CASZ1: variants seen among roughly 807,000 people sequenced by gnomAD.
CASZ1 encodes the protein castor zinc finger 1.
A neutral mutation model predicts 135.2 loss-of-function variants in CASZ1; 28 were observed. The observed-to-expected ratio is 0.21, with a 90% CI of 0.15 to 0.28. The LOEUF (loss-of-function observed/expected upper bound fraction) is 0.28. Among genes scored for constraint, CASZ1 ranks in the 10% least tolerant of loss-of-function variants. CASZ1 has a pLI of 1.00. For synonymous variants in CASZ1, 1,068 were observed against 1,073.4 expected (o/e 0.99, Z 0.10); for missense variants, 2,161 against 2,453.3 (o/e 0.88, Z 2.52).
chr1:10,696,044 G>A (rs1416959486), intron 3 of CASZ1, among the ~76,000 whole-genome samples: 1 of 152,238 alleles, frequency 6.6e-6, no homozygotes, highest in Non-Finnish European at 1.5e-5. Flanking sequence ...CCAGCAACAT[G>A]GCGCTGGCCT....
At chr1:10,743,002 A>AG (rs1639954963) in intron 2 of CASZ1, among the ~76,000 whole-genome samples, 1 of 151,914 alleles carries the variant, frequency 6.6e-6, no homozygotes, top group East Asian at 1.9e-4. Context: ...AGAAGAAAAA[A>AG]AAGCCTCTGA....
chr1:10,764,077 G>C (rs1263120741), intron 1 of CASZ1, among the ~76,000 whole-genome samples: 1 of 152,208 alleles, frequency 6.6e-6, no homozygotes, highest in Non-Finnish European at 1.5e-5. Flanking sequence ...TAGCCAGACT[G>C]GTCTCGAACT....
Position 10,756,858 on chromosome 1 carries a change from C to T in CASZ1, c.-77+3843G>A, listed in dbSNP as rs376284651. Among the ~76,000 whole-genome samples the T allele has an allele frequency of 1.3e-5, 2 of 152,294 alleles. No individual in the cohort carries two copies. The highest frequency in any genetic ancestry group is 2.4e-5 in the African/African-American group (1 of 41,538). ...CTCACCAACGACGCTCTATATGACC[C>T]GGCACGTGGAAAAAGGTGTGCAGAA... On this transcript the variant is annotated intron_variant, in intron 2 of 20. Transcript: ENST00000377022. The surrounding 1 kb of genome is among the most constrained non-coding windows in gnomAD (Gnocchi z 5.9).
chr1:10,688,291 C>T (rs1411722079), intron 4 of CASZ1, among the ~76,000 whole-genome samples: 1 of 152,146 alleles, frequency 6.6e-6, no homozygotes, highest in African/African-American at 2.4e-5. Context: ...TTTTCCAGGG[C>T]CAACGGGGTG....
rs1335221912 is a variant in CASZ1, at chr1:10,665,314, C to A, written c.274G>T (p.Val92Leu). 1 of 1,612,846 alleles carries A rather than the reference C, an allele frequency of 6.2e-7. No homozygotes were observed. Among genetic ancestry groups the A allele is most frequent in the South Asian group, 1.1e-5 (1 of 90,924 alleles). ...DKRRAVIEKW[V>L]NGEYSEEPAP... ...GGCTCCTCGCTGTACTCCCCGTTCA[C>A]CCACTTCTCGATCACTGCCCGTCTC... The change falls in exon 5 of 21, where the codon GTG becomes TTG. Residue 92 changes from valine to leucine, a missense_variant. Val to Leu is a conservative substitution (Grantham distance 32, BLOSUM62 1). Coordinates refer to ENST00000377022, the MANE Select transcript of CASZ1 (RefSeq NM_001079843.3).
At position 10,756,134 on chromosome 1, in the gene CASZ1, G is replaced by C. The variant is rs941692720; in HGVS notation, c.-77+4567C>G. 6.6e-6 allele frequency among the ~76,000 whole-genome samples: 1 copy of C among 152,072 alleles called. No individual in the cohort carries two copies. The highest frequency in any genetic ancestry group is 1.5e-5 in the Non-Finnish European group (1 of 67,998). ...GACACGCCCCTCGGAGCCAGGCAGAGGCACCAGCTGTAGGCCTGGGAGAGC... is the reference window on the plus strand; with the variant it reads ...GACACGCCCCTCGGAGCCAGGCAGACGCACCAGCTGTAGGCCTGGGAGAGC... On this transcript the variant is annotated intron_variant, in intron 2 of 20. Transcript: ENST00000377022. This position sits in a 1 kb window ranked among gnomAD's most constrained non-coding sequence, Gnocchi z 5.9.
chr1:10,792,815 G>C (rs1056308592), intron 1 of CASZ1, among the ~76,000 whole-genome samples: 4 of 150,886 alleles, frequency 2.7e-5, no homozygotes, highest in African/African-American at 9.8e-5. Context: ...CCAAAAAGCA[G>C]GCAAAATTGA....
intron 1 of CASZ1, among the ~76,000 whole-genome samples, chr1:10,773,887 G>A (rs577419512): frequency 5.9e-5 from 9 of 152,358 alleles, no homozygotes; most frequent in South Asian, 2.1e-4. Context: ...CAGGGTGGGA[G>A]CAGCCCTGTC....
In CASZ1 at chr1:10,700,114, CACAG is replaced by C. The variant is rs1639030769; in HGVS notation, c.-24+5374_-24+5377del. 3.3e-5 allele frequency among the ~76,000 whole-genome samples: 5 copies of C among 151,836 alleles called. 1 individual carries two copies. The highest frequency in any genetic ancestry group is 5.9e-5 in the Non-Finnish European group (4 of 67,954). The stretch of plus-strand genomic sequence containing the variant: ...ACACACACACACACACACACACACA[CACAG>C]AGTATGAAGCAGGGACCTGGGCTAG... On this transcript the variant is annotated intron_variant, in intron 3 of 20. Transcript: ENST00000377022. This position sits in a 1 kb window ranked among gnomAD's most constrained non-coding sequence, Gnocchi z 4.2.
rs779068910 is a variant in CASZ1 at position 10,697,954 on chromosome 1, G to A, written c.-23-4042C>T. 1.7e-4 allele frequency among the ~76,000 whole-genome samples: 26 copies of A among 152,364 alleles called. No homozygotes were observed. Among genetic ancestry groups the A allele is most frequent in the Admixed American group, 2.0e-4 (3 of 15,308 alleles). On this transcript the variant is annotated intron_variant, in intron 3 of 20. Transcript: ENST00000377022. This position sits in a 1 kb window ranked among gnomAD's most constrained non-coding sequence, Gnocchi z 4.7. ...AAAGCTGTGAGCCAGCGAAGTGGAC[G>A]GGAAGCATGGGGGCCGAGGGAGGGC...
intron 1 of CASZ1, among the ~76,000 whole-genome samples, chr1:10,769,771 C>T (rs1190659252): frequency 6.6e-6 from 1 of 152,194 alleles, no homozygotes; most frequent in Admixed American, 6.5e-5. Flanking sequence ...CCCACCTTGG[C>T]CTCCCAAAGT....
At position 10,646,236 on chromosome 1, in the gene CASZ1, A is replaced by G; in HGVS notation, c.3588T>C (p.Ser1196=). 6.2e-7 allele frequency: 1 copy of G among 1,614,196 alleles called. No individual in the cohort carries two copies. The highest frequency in any genetic ancestry group is 8.5e-7 in the Non-Finnish European group (1 of 1,180,048). The change falls in exon 17 of 21, where the codon TCT becomes TCC. Residue 1196 remains serine (S), a synonymous_variant. Transcript: ENST00000377022. The surrounding 1 kb of genome is among the most constrained non-coding windows in gnomAD (Gnocchi z 6.4). ...CCAGGCAGTGGGATTCGGCCTTGCC[A>G]GACGTTTTGCAGACGTACTTGCAGT... ...FGNCKYVCKT[S]GKAESHCLDH...
chr1:10,704,771 C>T (rs538834287), intron 3 of CASZ1, among the ~76,000 whole-genome samples: 13 of 152,358 alleles, frequency 8.5e-5, no homozygotes, highest in East Asian at 5.8e-4. Context: ...ATAACACTGG[C>T]GTTCCACCGG....
rs964807782 is a variant in CASZ1, at chr1:10,756,081, C to T, written c.-77+4620G>A. 6.6e-6 allele frequency among the ~76,000 whole-genome samples: 1 copy of T among 152,136 alleles called. No individual in the cohort carries two copies. Among genetic ancestry groups the T allele is most frequent in the Admixed American group, 6.5e-5 (1 of 15,286 alleles). ...CAGGGCCGGCCCAGTGTTCTGAGGC[C>T]TGGCAGACACGCCCAGGAAGACTGG... On this transcript the variant is annotated intron_variant, in intron 2 of 20. Transcript: ENST00000377022. The surrounding 1 kb of genome is among the most constrained non-coding windows in gnomAD (Gnocchi z 5.9).
chr1:10,719,006 G>A lies in CASZ1; in HGVS notation c.-76-13462C>T, dbSNP rs1037109410. On this transcript the variant is annotated intron_variant, in intron 2 of 20. Transcript: ENST00000377022. The surrounding 1 kb of genome is among the most constrained non-coding windows in gnomAD (Gnocchi z 4.0). The stretch of plus-strand genomic sequence containing the variant: ...CTGCTCACTGCAACCTCTGCTTTCC[G>A]GGTTCAAGCAATTGTTGTGCCTCAG... Among the ~76,000 whole-genome samples the A allele has an allele frequency of 2.0e-5, 3 of 149,338 alleles. No homozygotes were observed. Among genetic ancestry groups the A allele is most frequent in the East Asian group, 2.0e-4 (1 of 5,070 alleles).
chr1:10,680,244 G>A (rs1322529432), intron 4 of CASZ1, among the ~76,000 whole-genome samples: 1 of 146,708 alleles, frequency 6.8e-6, no homozygotes, highest in African/African-American at 2.5e-5. Context: ...GATGCTGCCG[G>A]AGGGCTCCGG....
chr1:10,639,327 A>T lies in CASZ1; in HGVS notation c.4895T>A (p.Leu1632Gln). 6.8e-7 allele frequency: 1 copy of T among 1,476,610 alleles called. No individual in the cohort carries two copies. Among genetic ancestry groups the T allele is most frequent in the Non-Finnish European group, 8.9e-7 (1 of 1,122,284 alleles). 91.5% of individuals were successfully genotyped at this position (1,476,610 alleles called of 1,614,324 possible). A position where few individuals can be genotyped will look rare whatever the true frequency, so the allele number is the denominator to read the frequency against. Reference sequence around the variant, plus strand: ...GCCCAGGCCGGCGGCCGCCGACTGCAGGAAGAGCAGCGAGCCCGGCTCGGC... The same window carrying T: ...GCCCAGGCCGGCGGCCGCCGACTGCTGGAAGAGCAGCGAGCCCGGCTCGGC... Reference protein sequence around the residue: ...LGAEPGSLLFLQSAAAGLGLA... With the variant: ...LGAEPGSLLFQQSAAAGLGLA... The change falls in exon 21 of 21, where the codon CTG becomes CAG. Residue 1632 changes from leucine to glutamine, a missense_variant. By Grantham distance (113) the Leu-to-Gln change is moderately radical (BLOSUM62 -2). Around this residue, in one of 7 missense-constraint regions of CASZ1, gnomAD observed 240 missense variants for 321.4 expected, o/e 0.75. Coordinates refer to ENST00000377022, the MANE Select transcript of CASZ1 (RefSeq NM_001079843.3). This position sits in a 1 kb window ranked among gnomAD's most constrained non-coding sequence, Gnocchi z 4.0.
chr1:10,718,036 C>T (rs2100477411), intron 2 of CASZ1, among the ~76,000 whole-genome samples: 1 of 152,378 alleles, frequency 6.6e-6, no homozygotes, highest in East Asian at 1.9e-4. Flanking sequence ...CTTCACACAT[C>T]CCTGGGAGGT....
At chr1:10,645,786 G>C (rs562712656) in intron 17 of CASZ1, among the ~76,000 whole-genome samples, 109 of 152,282 alleles carry the variant, frequency 7.2e-4, no homozygotes, top group Non-Finnish European at 1.4e-3. Context: ...GTGTGGGCAC[G>C]GACAATGGGC....
Sources: gnomAD v4.1 joint callset for allele counts (sites outside exome capture counted in the v4.1 genomes callset) on GRCh38, gnomAD v4.1.1 for gene constraint, gnomAD v4.1.1 regional missense constraint, Gnocchi (gnomAD v3.1) non-coding constraint, MANE v1.5 for transcripts, NCBI Gene and HGNC (gene_info 2026-07-23, HGNC 2026-07-21) for gene names.